COL19A1: variants seen among roughly 807,000 people sequenced by gnomAD.
COL19A1 encodes the protein collagen alpha-1(XIX) chain.
Under a neutral mutation model 190.2 loss-of-function variants are expected in COL19A1, and 159 were observed. The ratio of observed to expected loss-of-function variants is 0.84; its 90% CI spans 0.73 to 0.95. The LOEUF (loss-of-function observed/expected upper bound fraction) is 0.95, where lower values mean the gene tolerates loss of function less well. COL19A1 is among the 40% of genes least tolerant of loss of function. The pLI is 0.00. For synonymous variants in COL19A1, 509 were observed against 458.9 expected (o/e 1.11, Z -1.39); for missense variants, 1,418 against 1,431.9 (o/e 0.99, Z 0.16).
chr6:69,937,046 G>T, intron 8 of COL19A1, 136 bp downstream of exon 8: 1 of 1,247,126 alleles, frequency 8.0e-7, no homozygotes, highest in Non-Finnish European at 1.1e-6. Flanking sequence ...TACTGGGGTG[G>T]GTTAAGAAAA....
At chr6:70,171,397 GA>G (rs1765493502) in intron 40 of COL19A1, among the ~76,000 whole-genome samples, 1 of 152,138 alleles carries the variant, frequency 6.6e-6, no homozygotes. Context: ...TTTAAAAATA[GA>G]AAACACTAAT....
At chr6:69,938,157 A>C (rs1336740386) in intron 9 of COL19A1, 57 bp downstream of exon 9, 3 of 1,504,380 alleles carry the variant, frequency 2.0e-6, no homozygotes, top group East Asian at 2.3e-5. Context: ...AAATGACTTA[A>C]AAATGTGTTC....
rs750839175 is a variant in COL19A1 at position 69,928,082 on chromosome 6, C to A, written c.390+50C>A. 11 of 1,585,204 alleles carry A rather than the reference C, an allele frequency of 6.9e-6. 1 individual carries two copies. The highest frequency in any genetic ancestry group is 1.7e-5 in the Admixed American group (1 of 58,552). Reference sequence around the variant, plus strand: ...CATTAGTTTTCCTTGTGTAATTAAGCCAGGTGAATTATTTGAACTGGTGCA... The same window carrying A: ...CATTAGTTTTCCTTGTGTAATTAAGACAGGTGAATTATTTGAACTGGTGCA... On this transcript the variant is annotated intron_variant, in intron 5 of 50. Transcript: ENST00000620364.
At chr6:70,050,636 A>G (rs923005805) in intron 14 of COL19A1, among the ~76,000 whole-genome samples, 4 of 152,114 alleles carry the variant, frequency 2.6e-5, no homozygotes, top group Non-Finnish European at 5.9e-5. Flanking sequence ...AAACTATAAC[A>G]TCACTTACTT....
At chr6:70,149,519 G>A (rs1209854998) in intron 27 of COL19A1, among the ~76,000 whole-genome samples, 185 bp from the exon 28 acceptor site, 8 of 152,128 alleles carry the variant, frequency 5.3e-5, no homozygotes, top group Non-Finnish European at 1.2e-4. Flanking sequence ...CCAGCAACAG[G>A]TATCTGATTA....
At chr6:69,945,431 T>C (rs1773732943) in intron 9 of COL19A1, among the ~76,000 whole-genome samples, 1 of 152,040 alleles carries the variant, frequency 6.6e-6, no homozygotes, top group African/African-American at 2.4e-5. Flanking sequence ...TCATTTTCTT[T>C]CCAATCTGAC....
chr6:70,131,172 G>A, intron 18 of COL19A1: 4 of 287,736 alleles, frequency 1.4e-5, no homozygotes, highest in Non-Finnish European at 3.0e-5. Context: ...GCCATTGTCA[G>A]AAAAAAAATG....
chr6:69,907,931 A>G (rs966380231), intron 4 of COL19A1, among the ~76,000 whole-genome samples: 1 of 152,200 alleles, frequency 6.6e-6, no homozygotes, highest in Non-Finnish European at 1.5e-5. Flanking sequence ...CCTGCTAGAA[A>G]GATACACAGT....
chr6:69,982,075 T>C (rs776912604), intron 11 of COL19A1, among the ~76,000 whole-genome samples: 12 of 152,072 alleles, frequency 7.9e-5, no homozygotes, highest in African/African-American at 1.2e-4. Flanking sequence ...GTGAGGATCA[T>C]GGTGGAAGCA....
intron 14 of COL19A1, among the ~76,000 whole-genome samples, chr6:70,039,793 C>A (rs1004877585): frequency 1.3e-5 from 2 of 148,318 alleles, no homozygotes; most frequent in Non-Finnish European, 3.0e-5. Flanking sequence ...GACAGGGTCT[C>A]ACTCTGTTGC....
intron 11 of COL19A1, among the ~76,000 whole-genome samples, chr6:69,998,737 ATT>A (rs1180207532): frequency 6.6e-6 from 1 of 151,918 alleles, no homozygotes; most frequent in Non-Finnish European, 1.5e-5. Flanking sequence ...TAGTTCCCTC[ATT>A]TTATTGTGAA....
chr6:70,035,923 G>A lies in COL19A1; in HGVS notation c.1154G>A (p.Gly385Glu), dbSNP rs765873100. The change falls in exon 14 of 51, where the codon GGA becomes GAA. Residue 385 changes from glycine (G) to glutamate (E), a missense_variant. Gly to Glu is a moderately conservative substitution (Grantham distance 98). Transcript: ENST00000620364. ...TTTTAGGGAGATACAGGACCCCCAG[G>A]ACCACCAGCCTTACCTGTAAGTATT... ...KGEKGDTGPP[G>E]PPALPGSLGI... 3 of 1,613,224 alleles carry A rather than the reference G, an allele frequency of 1.9e-6. No individual in the cohort carries two copies. Among genetic ancestry groups the A allele is most frequent in the Admixed American group, 3.3e-5 (2 of 59,964 alleles).
chr6:70,151,989 T>C (rs1176002176), intron 31 of COL19A1, among the ~76,000 whole-genome samples: 2 of 150,568 alleles, frequency 1.3e-5, no homozygotes, highest in African/African-American at 4.9e-5. Context: ...CTCTACCTAT[T>C]ATCGTCTCAG....
At chr6:70,151,587 T>G (rs2150246980) in intron 31 of COL19A1, 149 bp downstream of exon 31, 1 of 679,532 alleles carries the variant, frequency 1.5e-6, no homozygotes, top group Admixed American at 2.5e-5. Flanking sequence ...AAAATAAACA[T>G]GTATCTTATA....
At chr6:69,914,720 C>T (rs1393184649) in intron 4 of COL19A1, among the ~76,000 whole-genome samples, 1 of 152,194 alleles carries the variant, frequency 6.6e-6, no homozygotes, top group African/African-American at 2.4e-5. Flanking sequence ...TAGCACTTTG[C>T]TTTCAAGGCT....
Position 70,038,362 on chromosome 6 carries a change from A to G in COL19A1, c.1170+2423A>G, listed in dbSNP as rs932926634. On this transcript the variant is annotated intron_variant, in intron 14 of 50. Transcript: ENST00000620364. ...TTTAAAAGCTCCCCGAGTGGATCTAAATATGCAGCAAGAGTTGAGAACCAT... is the reference window on the plus strand; with the variant it reads ...TTTAAAAGCTCCCCGAGTGGATCTAGATATGCAGCAAGAGTTGAGAACCAT... 5.9e-4 allele frequency among the ~76,000 whole-genome samples: 90 copies of G among 152,246 alleles called. 1 individual carries two copies. The highest frequency in any genetic ancestry group is 1.3e-4 in the Non-Finnish European group (9 of 68,040).
chr6:70,082,740 T>C (rs1782338027), intron 15 of COL19A1, among the ~76,000 whole-genome samples: 1 of 152,202 alleles, frequency 6.6e-6, no homozygotes, highest in Admixed American at 6.5e-5. Context: ...AGTTATCCTC[T>C]AAAACAATGA....
At chr6:70,071,965 G>A (rs1002261322) in intron 15 of COL19A1, among the ~76,000 whole-genome samples, 1 of 152,044 alleles carries the variant, frequency 6.6e-6, no homozygotes, top group Non-Finnish European at 1.5e-5. Context: ...AGTGAGGAGG[G>A]CACTGGAAAC....
At chr6:69,873,850 G>A (rs1399746167) in intron 1 of COL19A1, among the ~76,000 whole-genome samples, 1 of 152,074 alleles carries the variant, frequency 6.6e-6, no homozygotes, top group African/African-American at 2.4e-5. Flanking sequence ...CTTTGGACAA[G>A]TTTGAGAAAA....
Sources: allele counts gnomAD v4.1 joint callset (sites outside exome capture counted in the v4.1 genomes callset), GRCh38; gene constraint gnomAD v4.1.1; transcripts MANE v1.5; gene names NCBI Gene and HGNC (gene_info 2026-07-23, HGNC 2026-07-21).